Variants in NCKAP5 observed in about 807,000 individuals in gnomAD.
The protein encoded by NCKAP5 is nck-associated protein 5.
Under a neutral mutation model 167.0 loss-of-function variants are expected in NCKAP5, and 92 were observed. The ratio of observed to expected loss-of-function variants is 0.55; its 90% CI spans 0.47 to 0.66. The LOEUF (loss-of-function observed/expected upper bound fraction) is 0.66, where lower values mean the gene tolerates loss of function less well. Among genes scored for constraint, NCKAP5 ranks in the 30% least tolerant of loss-of-function variants. The probability of loss-of-function intolerance (pLI) is 0.00; values close to 1 mark genes in which losing one functional copy is unlikely to be tolerated. For missense variants in NCKAP5, 2,378 were observed against 2,315.0 expected, an observed-to-expected ratio of 1.03 and a Z score of -0.56; for synonymous variants, 891 against 877.4, an observed-to-expected ratio of 1.02 and a Z score of -0.27.
chr2:133,502,778 T>TA (rs1443996957), intron 3 of NCKAP5, among the ~76,000 whole-genome samples: 1 of 152,214 alleles, frequency 6.6e-6, no homozygotes, highest in Non-Finnish European at 1.5e-5. Context: ...TTCAAGATTT[T>TA]AATAGAAGCA....
At chr2:133,003,577 G>A (rs894206093) in intron 6 of NCKAP5, among the ~76,000 whole-genome samples, 6 of 152,128 alleles carry the variant, frequency 3.9e-5, no homozygotes, top group East Asian at 3.8e-4. Flanking sequence ...GCTTATCCTC[G>A]CTGCAATAGT....
chr2:133,203,096 T>C (rs2085776065), intron 5 of NCKAP5, among the ~76,000 whole-genome samples: 1 of 152,158 alleles, frequency 6.6e-6, no homozygotes, highest in Non-Finnish European at 1.5e-5. Context: ...CACACATATG[T>C]TTATTGCAGC....
At chr2:133,401,336 T>C (rs1688086201) in intron 3 of NCKAP5, among the ~76,000 whole-genome samples, 1 of 152,182 alleles carries the variant, frequency 6.6e-6, no homozygotes, top group Admixed American at 6.5e-5. Context: ...AAACTAATAA[T>C]AGTAAGTTAA....
At chr2:133,553,587 G>A (rs1019504709) in intron 2 of NCKAP5, among the ~76,000 whole-genome samples, 8 of 152,250 alleles carry the variant, frequency 5.3e-5, no homozygotes, top group Admixed American at 1.3e-4. Flanking sequence ...GATGATAGAA[G>A]ACATTCCCAG....
intron 6 of NCKAP5, among the ~76,000 whole-genome samples, chr2:133,007,800 C>T (rs1432154964): frequency 2.6e-5 from 4 of 152,034 alleles, no homozygotes; most frequent in Admixed American, 2.6e-4. Flanking sequence ...TTTAGCCTGC[C>T]CCACTCTCTC....
chr2:133,574,873 C>T, the NCKAP5 span, among the ~76,000 whole-genome samples: 2 of 152,134 alleles, frequency 1.3e-5, no homozygotes, highest in South Asian at 4.1e-4. Context: ...AGGAAAGTTG[C>T]CAGCTCAGGT....
Position 133,081,187 on chromosome 2 carries a change from A to G in NCKAP5, c.341+48791T>C, listed in dbSNP as rs900537046. ...AAATACATTTTTTACTTAAGCAAAA[A>G]AAAACTCTCATAAAGCAAATTAATA... On this transcript the variant is annotated intron_variant, in intron 6 of 19. Transcript: ENST00000409261. 3.9e-5 allele frequency among the ~76,000 whole-genome samples: 6 copies of G among 152,298 alleles called. No individual in the cohort carries two copies. The East Asian group carries it at 9.7e-4, about 25-fold the overall frequency.
chr2:133,612,085 C>T, the NCKAP5 span, among the ~76,000 whole-genome samples: 6 of 152,302 alleles, frequency 3.9e-5, no homozygotes, highest in South Asian at 1.2e-3. Flanking sequence ...TTCAACCTGG[C>T]TGCCATTGAT....
At chr2:133,650,609 T>C in the NCKAP5 span, among the ~76,000 whole-genome samples, 2 of 152,184 alleles carry the variant, frequency 1.3e-5, no homozygotes, top group Admixed American at 1.3e-4. Flanking sequence ...GTGTGGTGGC[T>C]CATGCCTGTA....
intron 11 of NCKAP5, among the ~76,000 whole-genome samples, chr2:132,859,925 C>A (rs1689757868): frequency 6.6e-6 from 1 of 152,076 alleles, no homozygotes; most frequent in Non-Finnish European, 1.5e-5. Context: ...CTTGACTTTC[C>A]ACAGCTTTCC....
chr2:132,938,571 G>C (rs1697030067), intron 8 of NCKAP5, among the ~76,000 whole-genome samples: 1 of 152,128 alleles, frequency 6.6e-6, no homozygotes, highest in Admixed American at 6.5e-5. Flanking sequence ...AGACTGCCTG[G>C]TTAAAGTCTT....
chr2:132,846,373 C>T (rs998523244), intron 11 of NCKAP5, among the ~76,000 whole-genome samples: 3 of 151,874 alleles, frequency 2.0e-5, no homozygotes, highest in East Asian at 1.9e-4. Flanking sequence ...GGCATGATTT[C>T]GGCTCATTGC....
intron 2 of NCKAP5, among the ~76,000 whole-genome samples, chr2:133,526,824 GAAACA>G (rs1417565740): frequency 6.6e-6 from 1 of 152,100 alleles, no homozygotes; most frequent in African/African-American, 2.4e-5. Context: ...GGTCGGTATA[GAAACA>G]AAACAGATAA....
the NCKAP5 span, among the ~76,000 whole-genome samples, chr2:133,595,056 G>T: frequency 2.6e-5 from 4 of 152,126 alleles, no homozygotes; most frequent in Non-Finnish European, 5.9e-5. Flanking sequence ...ATTCCCAGGG[G>T]GCACTTAACA....
intron 8 of NCKAP5, among the ~76,000 whole-genome samples, chr2:132,955,115 AT>A (rs2076300578): frequency 6.6e-6 from 1 of 152,238 alleles, no homozygotes; most frequent in Admixed American, 6.5e-5. Context: ...CGTTGCCTTA[AT>A]TTCTTTTACA....
At chr2:132,824,556 G>T (rs974673820) in intron 11 of NCKAP5, among the ~76,000 whole-genome samples, 2 of 152,198 alleles carry the variant, frequency 1.3e-5, no homozygotes, top group Non-Finnish European at 2.9e-5. Flanking sequence ...GTAGAAGAAA[G>T]AAGGGAGAAG....
chr2:133,673,201 T>A, the NCKAP5 span, among the ~76,000 whole-genome samples: 17 of 152,280 alleles, frequency 1.1e-4, no homozygotes, highest in East Asian at 3.3e-3. Context: ...TTAAGTCACC[T>A]CCACTGCCCC....
intron 3 of NCKAP5, among the ~76,000 whole-genome samples, chr2:133,416,674 A>G (rs566768702): frequency 6.6e-6 from 1 of 151,926 alleles, no homozygotes; most frequent in East Asian, 1.9e-4. Context: ...AAAAAAAGTT[A>G]GGTTCACATT....
At chr2:133,593,372 T>TA in the NCKAP5 span, among the ~76,000 whole-genome samples, 241 of 145,070 alleles carry the variant, frequency 1.7e-3, no homozygotes, top group African/African-American at 5.1e-3. Flanking sequence ...CTGACAAAAT[T>TA]AAAAAAAAAA....
Sources: allele counts gnomAD v4.1 joint callset (sites outside exome capture counted in the v4.1 genomes callset), GRCh38; gene constraint gnomAD v4.1.1; transcripts MANE v1.5; gene names NCBI Gene and HGNC (gene_info 2026-07-23, HGNC 2026-07-21).